The following ZNF407 variants were observed in gnomAD, a reference collection of about 807,000 sequenced individuals.
ZNF407 encodes zinc finger protein 407.
In ZNF407, 17 loss-of-function variants were observed where a neutral mutation model predicts 131.2. That is an observed-to-expected ratio of 0.13 (90% CI 0.09 to 0.19). The LOEUF is 0.19. ZNF407 is among the 10% of genes least tolerant of loss of function. The pLI is 1.00. For missense variants in ZNF407, 2,681 were observed against 2,830.6 expected (o/e 0.95, Z 1.20); for synonymous variants, 1,156 against 1,062.0 (o/e 1.09, Z -1.72).
chr18:74,755,582 G>GTTTTTTTTTTT (rs541126314), intron 3 of ZNF407, among the ~76,000 whole-genome samples: 6 of 87,334 alleles, frequency 6.9e-5, no homozygotes, highest in African/African-American at 2.8e-4. Flanking sequence ...CTCCTTTCTG[G>GTTTTTTTTTTT]TTTTTTTTTT....
intron 3 of ZNF407, among the ~76,000 whole-genome samples, chr18:74,738,881 T>A (rs1361536579): frequency 6.6e-6 from 1 of 152,170 alleles, no homozygotes; most frequent in Non-Finnish European, 1.5e-5. Context: ...ATAGTAAGTT[T>A]GTTTAAGGAG....
intron 3 of ZNF407, among the ~76,000 whole-genome samples, chr18:74,689,436 TC>T (rs1467085078): frequency 1.3e-5 from 2 of 152,220 alleles, no homozygotes; most frequent in Non-Finnish European, 2.9e-5. Context: ...TGCATTGTCA[TC>T]CCCTTGCATT....
At chr18:74,690,856 C>T (rs577365) in intron 3 of ZNF407, among the ~76,000 whole-genome samples, 120,841 of 152,186 alleles carry the variant, frequency 0.79, 48,088 homozygotes, top group East Asian at 0.89. Context: ...GGTTTATTGT[C>T]ATACCTTGAG....
intron 3 of ZNF407, among the ~76,000 whole-genome samples, chr18:74,668,149 T>A (rs78737045): frequency 5.3e-4 from 80 of 152,206 alleles, no homozygotes; most frequent in African/African-American, 1.7e-3. Context: ...CCGGGGAACA[T>A]TTTCCACCTA....
intron 3 of ZNF407, among the ~76,000 whole-genome samples, chr18:74,694,504 G>A (rs989741821): frequency 1.3e-5 from 2 of 151,532 alleles, no homozygotes; most frequent in Non-Finnish European, 2.9e-5. Flanking sequence ...ATGCAGCCAA[G>A]GATTCATAGA....
At chr18:75,039,545 C>T (rs896532458) in intron 8 of ZNF407, among the ~76,000 whole-genome samples, 5 of 152,062 alleles carry the variant, frequency 3.3e-5, no homozygotes, top group South Asian at 2.1e-4. Flanking sequence ...AGAGCCCCAA[C>T]GTTTGAAAAA....
chr18:74,804,261 A>G, intron 4 of ZNF407: 1 of 1,219,482 alleles, frequency 8.2e-7, no homozygotes, highest in Non-Finnish European at 1.0e-6. Flanking sequence ...TATTTTAAAA[A>G]TTGAGTACTC....
intron 7 of ZNF407, among the ~76,000 whole-genome samples, chr18:74,896,314 C>T (rs1021764730): frequency 3.9e-5 from 6 of 151,950 alleles, no homozygotes; most frequent in Non-Finnish European, 8.8e-5. Context: ...TGTCATTTAC[C>T]TCAAGTCTAT....
At chr18:74,786,387 C>T (rs1969711805) in intron 4 of ZNF407, among the ~76,000 whole-genome samples, 1 of 152,124 alleles carries the variant, frequency 6.6e-6, no homozygotes, top group African/African-American at 2.4e-5. Flanking sequence ...TGTGTCCAGG[C>T]TTCAGGCTCT....
chr18:74,610,648 C>T (rs907760438), intron 1 of ZNF407, among the ~76,000 whole-genome samples: 1 of 152,128 alleles, frequency 6.6e-6, no homozygotes, highest in Non-Finnish European at 1.5e-5. Flanking sequence ...CTCCCTGGCC[C>T]AAACAATTCT....
chr18:74,642,145 A>G (rs1383670695), intron 3 of ZNF407, among the ~76,000 whole-genome samples: 1 of 151,990 alleles, frequency 6.6e-6, no homozygotes, highest in African/African-American at 2.4e-5. Context: ...GTGTATTTTG[A>G]CCCTTAGGAT....
At chr18:75,026,909 T>A (rs1269929999) in intron 8 of ZNF407, among the ~76,000 whole-genome samples, 1 of 152,194 alleles carries the variant, frequency 6.6e-6, no homozygotes, top group Non-Finnish European at 1.5e-5. Context: ...TGGGTGTCAG[T>A]CCCTGTGTGA....
At chr18:74,983,329 G>A (rs1972615119) in intron 8 of ZNF407, among the ~76,000 whole-genome samples, 1 of 152,150 alleles carries the variant, frequency 6.6e-6, no homozygotes, top group East Asian at 1.9e-4. Flanking sequence ...ACAGTCAGGT[G>A]TTATCTTAGG....
chr18:74,854,179 A>T (rs1344101646), intron 4 of ZNF407, among the ~76,000 whole-genome samples: 1 of 152,154 alleles, frequency 6.6e-6, no homozygotes, highest in Admixed American at 6.6e-5. Context: ...TTTTATGACT[A>T]AAAGAGTCCT....
intron 1 of ZNF407, among the ~76,000 whole-genome samples, chr18:74,613,953 T>C (rs1171572245): frequency 3.9e-5 from 6 of 152,222 alleles, no homozygotes; most frequent in Non-Finnish European, 7.3e-5. Context: ...TTGAATATAA[T>C]GGCAACTTCA....
At chr18:74,682,842 C>T (rs535999112) in intron 3 of ZNF407, among the ~76,000 whole-genome samples, 25 of 152,226 alleles carry the variant, frequency 1.6e-4, no homozygotes, top group Admixed American at 9.8e-4. Context: ...TGCTGACAGG[C>T]GCATTTTCCA....
At chr18:75,055,939 G>C (rs1050478839) in intron 8 of ZNF407, among the ~76,000 whole-genome samples, 3 of 152,174 alleles carry the variant, frequency 2.0e-5, no homozygotes, top group African/African-American at 7.2e-5. Flanking sequence ...TTCGGAAATG[G>C]TGTGAATCTC....
intron 3 of ZNF407, among the ~76,000 whole-genome samples, chr18:74,707,067 T>G (rs1490990555): frequency 6.6e-6 from 1 of 151,846 alleles, no homozygotes; most frequent in African/African-American, 2.4e-5. Context: ...TCTCCTGCCT[T>G]AGTCTCCAGA....
intron 8 of ZNF407, among the ~76,000 whole-genome samples, chr18:74,934,496 G>C (rs371041230): frequency 6.6e-6 from 1 of 152,136 alleles, no homozygotes; most frequent in Non-Finnish European, 1.5e-5. Flanking sequence ...TTTGCATCTT[G>C]GAGTAAGGTT....
Sources: allele counts gnomAD v4.1 joint callset (sites outside exome capture counted in the v4.1 genomes callset), GRCh38; gene constraint gnomAD v4.1.1; transcripts MANE v1.5; gene names NCBI Gene and HGNC (gene_info 2026-07-23, HGNC 2026-07-21).